The following FSTL5 variants were observed in gnomAD, a reference collection of about 807,000 sequenced individuals.
FSTL5 encodes the protein follistatin like 5.
Under a neutral mutation model 89.1 loss-of-function variants are expected in FSTL5, and 62 were observed. That is an observed-to-expected ratio of 0.70 (90% CI 0.57 to 0.86). The LOEUF (loss-of-function observed/expected upper bound fraction) is 0.86. Ranked by LOEUF, FSTL5 falls within the 40% of genes least tolerant of loss-of-function variation. FSTL5 has a pLI of 0.00. For missense variants in FSTL5, 1,057 were observed against 1,001.6 expected, an observed-to-expected ratio of 1.06 and a Z score of -0.75; for synonymous variants, 383 against 346.2, an observed-to-expected ratio of 1.11 and a Z score of -1.18.
At chr4:161,975,882 G>C (rs1040547003) in intron 3 of FSTL5, among the ~76,000 whole-genome samples, 1 of 151,074 alleles carries the variant, frequency 6.6e-6, no homozygotes, top group African/African-American at 2.4e-5. Flanking sequence ...TTGGGAGGCC[G>C]AGGCGGGCGG....
chr4:162,011,780 A>G (rs2111132175), intron 3 of FSTL5, among the ~76,000 whole-genome samples: 1 of 152,304 alleles, frequency 6.6e-6, no homozygotes, highest in Non-Finnish European at 1.5e-5. Context: ...TACAGATGTT[A>G]GCCACCGCGC....
intron 15 of FSTL5, among the ~76,000 whole-genome samples, chr4:161,432,049 T>A (rs942076428): frequency 2.0e-5 from 3 of 152,146 alleles, no homozygotes; most frequent in East Asian, 1.9e-4. Context: ...ATTGGACAGA[T>A]CATCCAGACA....
At chr4:162,071,207 G>T (rs2111309467) in intron 2 of FSTL5, among the ~76,000 whole-genome samples, 1 of 151,556 alleles carries the variant, frequency 6.6e-6, no homozygotes, top group Middle Eastern at 3.4e-3. Flanking sequence ...TAATAAAAAT[G>T]AAATAAAATA....
intron 4 of FSTL5, among the ~76,000 whole-genome samples, chr4:161,899,961 A>AGACATGGG: frequency 6.6e-6 from 1 of 152,152 alleles, no homozygotes; most frequent in Non-Finnish European, 1.5e-5. Context: ...ATTGGTGGTC[A>AGACATGGG]AGGCGGATGG....
At chr4:161,727,664 A>G (rs572067130) in intron 6 of FSTL5, among the ~76,000 whole-genome samples, 5 of 152,280 alleles carry the variant, frequency 3.3e-5, no homozygotes, top group Admixed American at 1.3e-4. Context: ...AATATAAGCT[A>G]TATTTTCTAC....
At chr4:162,050,336 C>T (rs1425603543) in intron 2 of FSTL5, among the ~76,000 whole-genome samples, 1 of 150,774 alleles carries the variant, frequency 6.6e-6, no homozygotes, top group East Asian at 1.9e-4. Context: ...TAGCAAAATG[C>T]TTATAATGAC....
intron 5 of FSTL5, among the ~76,000 whole-genome samples, chr4:161,762,018 TTC>T (rs1282691491): frequency 6.6e-6 from 1 of 152,186 alleles, no homozygotes; most frequent in African/African-American, 2.4e-5. Context: ...TTTTCTTCTT[TTC>T]TGTTTTTTCA....
At chr4:161,715,550 C>T (rs1016337537) in intron 6 of FSTL5, among the ~76,000 whole-genome samples, 3 of 152,116 alleles carry the variant, frequency 2.0e-5, no homozygotes, top group Admixed American at 6.5e-5. Context: ...GCTCTCCACC[C>T]TCCACTATCT....
intron 2 of FSTL5, among the ~76,000 whole-genome samples, chr4:162,071,396 A>C (rs1264861036): frequency 6.6e-6 from 1 of 151,786 alleles, no homozygotes; most frequent in African/African-American, 2.4e-5. Context: ...AAATGAAGAC[A>C]AAAAGGTATT....
At chr4:161,583,992 T>C (rs4273425) in intron 8 of FSTL5, among the ~76,000 whole-genome samples, 108,375 of 151,974 alleles carry the variant, frequency 0.71, 38,956 homozygotes, top group East Asian at 0.95. Flanking sequence ...ACTATTCCCC[T>C]ACTTACTCAC....
At chr4:161,948,518 A>G (rs1462558579) in intron 3 of FSTL5, among the ~76,000 whole-genome samples, 2 of 111,694 alleles carry the variant, frequency 1.8e-5, no homozygotes, top group Non-Finnish European at 3.4e-5. Context: ...ACAGAGTCTC[A>G]CTTTGTCACC....
intron 4 of FSTL5, among the ~76,000 whole-genome samples, chr4:161,864,438 C>A (rs1295533186): frequency 6.6e-6 from 1 of 151,936 alleles, no homozygotes; most frequent in Non-Finnish European, 1.5e-5. Flanking sequence ...GATTAAATAA[C>A]ATAAAAATAA....
rs1732108406 is a variant in FSTL5, at chr4:161,866,846, C to A, written c.409+53558G>T. 2.6e-5 allele frequency among the ~76,000 whole-genome samples: 4 copies of A among 151,854 alleles called. No individual in the cohort carries two copies. In the South Asian group the frequency reaches 8.3e-4, roughly 32 times the overall value. Reference sequence around the variant, plus strand: ...AGATGAACCCATTTGGAACTACATACCCTTGAGGAAATAAAGAAATAAATG... The same window carrying A: ...AGATGAACCCATTTGGAACTACATAACCTTGAGGAAATAAAGAAATAAATG... On this transcript the variant is annotated intron_variant, in intron 4 of 15. Transcript: ENST00000306100.
intron 2 of FSTL5, among the ~76,000 whole-genome samples, chr4:162,059,970 T>C (rs1412852730): frequency 6.6e-6 from 1 of 152,156 alleles, no homozygotes; most frequent in Non-Finnish European, 1.5e-5. Flanking sequence ...TGGATTCTAC[T>C]TGAAGAGAAA....
intron 3 of FSTL5, among the ~76,000 whole-genome samples, chr4:162,021,999 G>A (rs1235723678): frequency 1.3e-5 from 2 of 151,876 alleles, no homozygotes; most frequent in South Asian, 4.2e-4. Context: ...GCTGAGGCAG[G>A]AGAATTGTTG....
chr4:161,880,593 C>T (rs1205678471), intron 4 of FSTL5, among the ~76,000 whole-genome samples: 2 of 152,106 alleles, frequency 1.3e-5, no homozygotes, highest in Admixed American at 6.5e-5. Context: ...AAACCATGTA[C>T]ATGAATGTTT....
chr4:161,640,567 A>G (rs1230499251), intron 7 of FSTL5, among the ~76,000 whole-genome samples: 2 of 152,190 alleles, frequency 1.3e-5, no homozygotes, highest in East Asian at 3.9e-4. Context: ...ACAGGAAGAA[A>G]AAAGAATCAG....
intron 1 of FSTL5, among the ~76,000 whole-genome samples, chr4:162,120,824 C>CT (rs1488657301): frequency 1.3e-5 from 2 of 151,874 alleles, no homozygotes; most frequent in African/African-American, 2.4e-5. Flanking sequence ...TGCTTAGTGT[C>CT]TAAGAAATTT....
chr4:161,562,144 G>A (rs74835742), intron 8 of FSTL5, among the ~76,000 whole-genome samples: 2,689 of 152,024 alleles, frequency 0.018, 87 homozygotes, highest in African/African-American at 0.061. Context: ...CCCACTGGAC[G>A]TTCATTTTCC....
Sources: gnomAD v4.1 joint callset for allele counts (sites outside exome capture counted in the v4.1 genomes callset) on GRCh38, gnomAD v4.1.1 for gene constraint, MANE v1.5 for transcripts, NCBI Gene and HGNC (gene_info 2026-07-23, HGNC 2026-07-21) for gene names.